Variants in IQCJ observed in about 807,000 individuals in gnomAD.
IQCJ encodes the protein IQ domain-containing protein J.
Under a neutral mutation model 11.0 loss-of-function variants are expected in IQCJ, and 9 were observed. That is an observed-to-expected ratio of 0.82 (90% CI 0.49 to 1.43). IQCJ has a LOEUF of 1.43. Ranked by LOEUF, IQCJ falls within the 40% of genes most tolerant of loss-of-function variation. IQCJ has a pLI of 0.00. For missense variants in IQCJ, 146 were observed against 133.2 expected (o/e 1.10, Z -0.47); for synonymous variants, 55 against 51.3 (o/e 1.07, Z -0.31).
intron 1 of IQCJ, among the ~76,000 whole-genome samples, chr3:159,172,629 T>C (rs1010745231): frequency 3.9e-5 from 6 of 152,054 alleles, no homozygotes; most frequent in African/African-American, 1.2e-4. Flanking sequence ...CAGATCCTAA[T>C]TGCAACTTTT....
chr3:159,145,506 T>C (rs1291744995), intron 1 of IQCJ, among the ~76,000 whole-genome samples: 1 of 151,836 alleles, frequency 6.6e-6, no homozygotes, highest in African/African-American at 2.4e-5. Flanking sequence ...GAATAATGAG[T>C]GTGAGTTGTA....
rs1428532716 is a variant in IQCJ at position 159,214,295 on chromosome 3, T to C, written c.10-31548T>C. Among the ~76,000 whole-genome samples, 6 of 152,336 alleles carry C rather than the reference T, an allele frequency of 3.9e-5. No individual in the cohort carries two copies. In the East Asian group the frequency reaches 9.6e-4, roughly 24 times the overall value. The stretch of plus-strand genomic sequence containing the variant: ...ATTATTATAGACAACTCTCCCTTTT[T>C]TCCTGGTACAACCTGGGGGTAGCTC... On this transcript the variant is annotated intron_variant, in intron 1 of 3. Coordinates refer to ENST00000397832, the MANE Select transcript of IQCJ (RefSeq NM_001042706.3).
At chr3:159,155,888 T>C (rs923128775) in intron 1 of IQCJ, among the ~76,000 whole-genome samples, 1 of 152,222 alleles carries the variant, frequency 6.6e-6, no homozygotes, top group Non-Finnish European at 1.5e-5. Context: ...ACCAATGACA[T>C]AGCAGACAAC....
chr3:159,131,863 A>G (rs1720009424), intron 1 of IQCJ, among the ~76,000 whole-genome samples: 1 of 152,146 alleles, frequency 6.6e-6, no homozygotes, highest in African/African-American at 2.4e-5. Flanking sequence ...TCATTTGTCT[A>G]CATGATTTTG....
At chr3:159,224,009 T>C (rs1045169067) in intron 1 of IQCJ, among the ~76,000 whole-genome samples, 3 of 151,758 alleles carry the variant, frequency 2.0e-5, no homozygotes, top group African/African-American at 7.3e-5. Context: ...TAATGGATAC[T>C]CAACCTGTAA....
rs536050372 is a variant in IQCJ at position 159,103,853 on chromosome 3, A to T, written c.9+34412A>T. ...AGGTACATTGTTTTGAGAAGTAATA[A>T]TGCTAGGTAGTTGTAGTTTTCCGTT... On this transcript the variant is annotated intron_variant, in intron 1 of 3. Coordinates refer to ENST00000397832, the MANE Select transcript of IQCJ (RefSeq NM_001042706.3). 1.2e-4 allele frequency among the ~76,000 whole-genome samples: 19 copies of T among 152,376 alleles called. No homozygotes were observed. The South Asian group carries it at 3.9e-3, about 32-fold the overall frequency.
chr3:159,170,282 T>G (rs1191082273), intron 1 of IQCJ, among the ~76,000 whole-genome samples: 3 of 151,992 alleles, frequency 2.0e-5, no homozygotes, highest in Non-Finnish European at 4.4e-5. Context: ...TTTTCAAGAT[T>G]ATAAAGCATA....
intron 1 of IQCJ, among the ~76,000 whole-genome samples, chr3:159,225,148 G>A (rs1231616721): frequency 2.0e-5 from 3 of 152,134 alleles, no homozygotes; most frequent in Non-Finnish European, 4.4e-5. Context: ...CAACCTAAAT[G>A]TTCTTCAATG....
At chr3:159,161,670 C>T (rs546138289) in intron 1 of IQCJ, among the ~76,000 whole-genome samples, 25 of 152,108 alleles carry the variant, frequency 1.6e-4, no homozygotes, top group East Asian at 9.6e-4. Flanking sequence ...TTAGGTCTAA[C>T]GTTTAAGTTT....
chr3:159,088,901 A>C (rs56853660), intron 1 of IQCJ, among the ~76,000 whole-genome samples: 5,121 of 151,952 alleles, frequency 0.034, 274 homozygotes, highest in African/African-American at 0.12. Context: ...TTTTAATTGG[A>C]GCATTTAGTC....
intron 1 of IQCJ, among the ~76,000 whole-genome samples, chr3:159,191,412 TG>T (rs1487423665): frequency 6.6e-6 from 1 of 152,086 alleles, no homozygotes; most frequent in East Asian, 1.9e-4. Flanking sequence ...GGGACAGAAA[TG>T]GTATATCTCA....
intron 1 of IQCJ, among the ~76,000 whole-genome samples, chr3:159,095,589 C>A (rs1245317957): frequency 7.2e-5 from 8 of 110,756 alleles, no homozygotes; most frequent in African/African-American, 2.9e-4. Flanking sequence ...TGTTCAATTC[C>A]CACCTATTAG....
intron 1 of IQCJ, among the ~76,000 whole-genome samples, chr3:159,153,641 A>G (rs753755598): frequency 6.6e-6 from 1 of 152,254 alleles, no homozygotes; most frequent in African/African-American, 2.4e-5. Context: ...TGAAAGGCCA[A>G]CTGCTGATTT....
chr3:159,190,716 T>G (rs1723636677), intron 1 of IQCJ, among the ~76,000 whole-genome samples: 1 of 152,250 alleles, frequency 6.6e-6, no homozygotes, highest in African/African-American at 2.4e-5. Context: ...GTGTCCCGGT[T>G]CTAGCTTCAC....
At chr3:159,204,929 T>C (rs1171154577) in intron 1 of IQCJ, among the ~76,000 whole-genome samples, 3 of 152,224 alleles carry the variant, frequency 2.0e-5, no homozygotes. Flanking sequence ...AGGCCAGGGA[T>C]GTCCTGCTAT....
intron 1 of IQCJ, among the ~76,000 whole-genome samples, chr3:159,091,045 A>G (rs560187630): frequency 2.6e-5 from 4 of 151,908 alleles, no homozygotes; most frequent in Non-Finnish European, 5.9e-5. Context: ...TGATGTTAAT[A>G]TAATTAATGT....
chr3:159,265,003 T>C (rs1167611529), downstream of IQCJ, among the ~76,000 whole-genome samples: 2 of 152,134 alleles, frequency 1.3e-5, no homozygotes, highest in South Asian at 2.1e-4. Context: ...ATAGAAGTTA[T>C]TGATTATAAC....
At chr3:159,158,486 A>G (rs527400455) in intron 1 of IQCJ, among the ~76,000 whole-genome samples, 1 of 152,306 alleles carries the variant, frequency 6.6e-6, no homozygotes, top group African/African-American at 2.4e-5. Context: ...CTCAGAACCC[A>G]ATTTTGGAGA....
At chr3:159,102,081 T>C (rs1717965951) in intron 1 of IQCJ, among the ~76,000 whole-genome samples, 1 of 152,240 alleles carries the variant, frequency 6.6e-6, no homozygotes, top group African/African-American at 2.4e-5. Context: ...GTCATACTAG[T>C]AGCCAGTCAA....
Sources: allele counts gnomAD v4.1 joint callset (sites outside exome capture counted in the v4.1 genomes callset), GRCh38; gene constraint gnomAD v4.1.1; transcripts MANE v1.5; gene names NCBI Gene and HGNC (gene_info 2026-07-23, HGNC 2026-07-21).